Variants in SHISA6 observed in about 807,000 individuals in gnomAD.
SHISA6 encodes protein shisa-6.
A neutral mutation model predicts 47.9 loss-of-function variants in SHISA6; 22 were observed. That is an observed-to-expected ratio of 0.46 (90% confidence interval 0.33 to 0.66). SHISA6 has a LOEUF of 0.66. SHISA6 is among the 30% of genes least tolerant of loss of function. The pLI is 0.02. For missense variants in SHISA6, 680 were observed against 764.6 expected (o/e 0.89, Z 1.30); for synonymous variants, 388 against 337.8 (o/e 1.15, Z -1.63).
At chr17:11,363,506 C>G (rs1597477056) in intron 2 of SHISA6, among the ~76,000 whole-genome samples, 1 of 152,314 alleles carries the variant, frequency 6.6e-6, no homozygotes, top group African/African-American at 2.4e-5. Flanking sequence ...TAATTTTCCT[C>G]TCAGTTCTGG....
At chr17:11,425,315 A>G (rs1361987344) in intron 3 of SHISA6, among the ~76,000 whole-genome samples, 1 of 151,918 alleles carries the variant, frequency 6.6e-6, no homozygotes, top group Non-Finnish European at 1.5e-5. Context: ...GGAGGGGGTG[A>G]CAAAGAGAAC....
At chr17:11,363,106 C>T (rs1013408937) in intron 2 of SHISA6, among the ~76,000 whole-genome samples, 1 of 152,186 alleles carries the variant, frequency 6.6e-6, no homozygotes, top group African/African-American at 2.4e-5. Context: ...TTATTAGAAG[C>T]AGAGCTAATG....
At chr17:11,445,120 C>G (rs1404833225) in intron 3 of SHISA6, among the ~76,000 whole-genome samples, 2 of 152,072 alleles carry the variant, frequency 1.3e-5, no homozygotes, top group Non-Finnish European at 2.9e-5. Flanking sequence ...GAAAGCATCT[C>G]AAGATCAGGG....
At chr17:11,490,163 G>A (rs1452835740) in intron 3 of SHISA6, among the ~76,000 whole-genome samples, 1 of 152,172 alleles carries the variant, frequency 6.6e-6, no homozygotes. Flanking sequence ...GGATGCCAAG[G>A]CATTGGCCTG....
intron 3 of SHISA6, among the ~76,000 whole-genome samples, chr17:11,413,384 A>T (rs1914192262): frequency 6.6e-6 from 1 of 152,214 alleles, no homozygotes; most frequent in African/African-American, 2.4e-5. Context: ...AGCTCCAGTT[A>T]TGACATTCAA....
chr17:11,426,109 T>G (rs1914604739), intron 3 of SHISA6, among the ~76,000 whole-genome samples: 2 of 152,186 alleles, frequency 1.3e-5, no homozygotes, highest in Non-Finnish European at 2.9e-5. Context: ...GGATATTAGA[T>G]GGCAAAAACA....
chr17:11,326,482 T>A (rs142917194), intron 2 of SHISA6, among the ~76,000 whole-genome samples: 3 of 152,150 alleles, frequency 2.0e-5, no homozygotes, highest in African/African-American at 7.2e-5. Context: ...AGGGAACCAA[T>A]AGGCAGTGAA....
At chr17:11,346,394 G>A (rs1911700180) in intron 2 of SHISA6, among the ~76,000 whole-genome samples, 1 of 152,136 alleles carries the variant, frequency 6.6e-6, no homozygotes, top group South Asian at 2.1e-4. Context: ...TGCATCTGTA[G>A]TTATAAGTGT....
Position 11,486,572 on chromosome 17 carries a change from G to C in SHISA6, c.896-65324G>C, listed in dbSNP as rs553708662. ...CAACCAGCAGAATTGACAAATGGGC[G>C]GTCAGAGACTTCAGCCCTGCGTTGG... On this transcript the variant is annotated intron_variant, in intron 3 of 5. Transcript: ENST00000441885. Among the ~76,000 whole-genome samples, 14 of 152,288 alleles carry C rather than the reference G, an allele frequency of 9.2e-5. No individual in the cohort carries two copies. The East Asian group carries it at 9.6e-4, about 10-fold the overall frequency.
At position 11,559,007 on chromosome 17, in the gene SHISA6, T is replaced by G. The variant is rs998529471; in HGVS notation, c.*703T>G. On this transcript the variant is annotated 3_prime_UTR_variant, in exon 6 of 6. Coordinates refer to ENST00000441885, the MANE Select transcript of SHISA6 (RefSeq NM_207386.4). This position sits in a 1 kb window ranked among gnomAD's most constrained non-coding sequence, Gnocchi z 4.4. ...CTTCCTTCAGCTGCCTCCCCATTGG[T>G]GGGAACTCCACCCCCTTCCAGCTGA... is the stretch of plus-strand genomic sequence containing the variant. The G allele has an allele frequency of 1.3e-5, 2 of 152,772 alleles. No homozygotes were observed. Among genetic ancestry groups the G allele is most frequent in the African/African-American group, 4.8e-5 (2 of 41,404 alleles). 9.5% of individuals were successfully genotyped at this position (152,772 alleles called of 1,614,324 possible).
intron 3 of SHISA6, among the ~76,000 whole-genome samples, chr17:11,528,959 G>A (rs1198038253): frequency 6.6e-6 from 1 of 152,168 alleles, no homozygotes; most frequent in African/African-American, 2.4e-5. Context: ...TTGGGAAGCC[G>A]AGGCAGGCAG....
At chr17:11,359,829 C>T (rs1294144725) in intron 2 of SHISA6, among the ~76,000 whole-genome samples, 1 of 152,114 alleles carries the variant, frequency 6.6e-6, no homozygotes, top group Non-Finnish European at 1.5e-5. Context: ...CAAGAATCTC[C>T]AGGCCTACAG....
At chr17:11,331,654 C>T (rs1354123634) in intron 2 of SHISA6, among the ~76,000 whole-genome samples, 1 of 152,144 alleles carries the variant, frequency 6.6e-6, no homozygotes, top group African/African-American at 2.4e-5. Context: ...TCCCTTTGCT[C>T]TCTCTCTCAC....
chr17:11,323,959 G>T (rs1051673597), intron 2 of SHISA6, among the ~76,000 whole-genome samples: 3 of 152,192 alleles, frequency 2.0e-5, no homozygotes, highest in Admixed American at 2.0e-4. Context: ...CTGGATCCCA[G>T]ATCTCAAAAT....
At chr17:11,497,539 G>A (rs1333309325) in intron 3 of SHISA6, among the ~76,000 whole-genome samples, 1 of 152,168 alleles carries the variant, frequency 6.6e-6, no homozygotes, top group African/African-American at 2.4e-5. Flanking sequence ...CACTTTAGAC[G>A]AATGTTCTTG....
At chr17:11,509,411 G>T (rs1214055772) in intron 3 of SHISA6, among the ~76,000 whole-genome samples, 1 of 152,188 alleles carries the variant, frequency 6.6e-6, no homozygotes, top group African/African-American at 2.4e-5. Flanking sequence ...TTTCATTTGA[G>T]GCTCAGCACA....
At chr17:11,443,165 G>A (rs984583270) in intron 3 of SHISA6, among the ~76,000 whole-genome samples, 4 of 152,308 alleles carry the variant, frequency 2.6e-5, no homozygotes, top group East Asian at 1.9e-4. Flanking sequence ...CAGGAGTCTC[G>A]AAGGACACCC....
chr17:11,297,446 C>G (rs1000148034), intron 2 of SHISA6, among the ~76,000 whole-genome samples: 2 of 152,170 alleles, frequency 1.3e-5, no homozygotes, highest in African/African-American at 4.8e-5. Context: ...GCTTGTTCCT[C>G]CATCTCTAGG....
intron 2 of SHISA6, among the ~76,000 whole-genome samples, chr17:11,291,884 T>C (rs1909559657): frequency 6.6e-6 from 1 of 152,174 alleles, no homozygotes; most frequent in African/African-American, 2.4e-5. Flanking sequence ...GAGGTCCTCA[T>C]TTTAAAACTA....
Sources: allele counts gnomAD v4.1 joint callset (sites outside exome capture counted in the v4.1 genomes callset), GRCh38; gene constraint gnomAD v4.1.1; non-coding constraint Gnocchi (gnomAD v3.1); transcripts MANE v1.5; gene names NCBI Gene and HGNC (gene_info 2026-07-23, HGNC 2026-07-21).